TMPRSS9: variants seen among roughly 807,000 people sequenced by gnomAD.
TMPRSS9 encodes transmembrane protease serine 9.
TMPRSS9 carries 113 observed loss-of-function variants against 111.4 expected under a neutral mutation model. That is an observed-to-expected ratio of 1.01 (90% CI 0.87 to 1.19). TMPRSS9 has a LOEUF of 1.19. Ranked by LOEUF, TMPRSS9 falls within the 50% of genes most tolerant of loss-of-function variation. The probability of loss-of-function intolerance (pLI) is 0.00; values close to 1 mark genes in which losing one functional copy is unlikely to be tolerated. For synonymous variants in TMPRSS9, 805 were observed against 659.1 expected (o/e 1.22, Z -3.39); for missense variants, 1,803 against 1,513.1 (o/e 1.19, Z -3.18).
chr19:2,382,042 A>G (rs937052214), intron 1 of TMPRSS9, among the ~76,000 whole-genome samples: 2 of 151,452 alleles, frequency 1.3e-5, no homozygotes, highest in East Asian at 2.0e-4. Flanking sequence ...GGGTTTCACT[A>G]TGTTGTCAGG....
intron 1 of TMPRSS9, among the ~76,000 whole-genome samples, chr19:2,363,787 T>TGTGC: frequency 7.5e-6 from 1 of 132,678 alleles, no homozygotes; most frequent in African/African-American, 3.0e-5. Context: ...ACTCTGTGTG[T>TGTGC]GAGTGTGTGT....
rs1971132197 is a variant in TMPRSS9, at chr19:2,413,151, C to T, written c.1255-549C>T. ...AGGAGGTTGCAGTGAGCCGAGATCA[C>T]GCCATTGCACTCCAGCCTGGGCAAC... On this transcript the variant is annotated intron_variant, in intron 9 of 17. Transcript: ENST00000648592. Among the ~76,000 whole-genome samples the T allele has an allele frequency of 2.6e-5, 4 of 152,042 alleles. No individual in the cohort carries two copies. The South Asian group carries it at 8.3e-4, about 31-fold the overall frequency.
At chr19:2,423,993 GC>G in intron 14 of TMPRSS9, 95 bp from the exon 16 acceptor site, 1 of 1,203,058 alleles carries the variant, frequency 8.3e-7, no homozygotes, top group South Asian at 3.7e-5. Flanking sequence ...ACTCCCTGGG[GC>G]TCCCAGGGGG....
intron 1 of TMPRSS9, among the ~76,000 whole-genome samples, chr19:2,391,723 C>T (rs1970601694): frequency 6.8e-6 from 1 of 147,560 alleles, no homozygotes; most frequent in South Asian, 2.1e-4. Context: ...CAGGACCCCC[C>T]TGAAAGGAAA....
intron 1 of TMPRSS9, among the ~76,000 whole-genome samples, chr19:2,390,271 C>G (rs1021068223): frequency 7.7e-5 from 7 of 90,400 alleles, no homozygotes; most frequent in Non-Finnish European, 1.4e-4. Context: ...GACGGAGTCT[C>G]TCTCTGTCGC....
intron 6 of TMPRSS9, among the ~76,000 whole-genome samples, chr19:2,404,987 G>A (rs1378594278): frequency 6.6e-6 from 1 of 150,996 alleles, no homozygotes; most frequent in Non-Finnish European, 1.5e-5. Flanking sequence ...TGCCTGTGAT[G>A]ATAATTATTA....
exon 15 of TMPRSS9, chr19:2,424,239 C>T (rs1408540251): frequency 5.0e-6 from 7 of 1,400,912 alleles, no homozygotes; most frequent in Admixed American, 2.7e-5. Flanking sequence ...CTGCTGTCGG[C>T]GGCGCACTGC....
At chr19:2,368,622 GA>G (rs1310452339) in intron 1 of TMPRSS9, among the ~76,000 whole-genome samples, 36 of 152,056 alleles carry the variant, frequency 2.4e-4, no homozygotes, top group Non-Finnish European at 3.7e-4. Flanking sequence ...GGGGAAGATG[GA>G]AGTGGCATTT....
chr19:2,381,708 C>A (rs540298227), intron 1 of TMPRSS9, among the ~76,000 whole-genome samples: 2 of 152,226 alleles, frequency 1.3e-5, no homozygotes, highest in South Asian at 4.2e-4. Flanking sequence ...GTGGCTGTTC[C>A]CAGAGGAACA....
At chr19:2,389,051 C>T (rs111892057), upstream of TMPRSS9, among the ~76,000 whole-genome samples, 232 of 151,742 alleles carry the variant, frequency 1.5e-3, no homozygotes, top group African/African-American at 5.1e-3. Context: ...CTCACACAGC[C>T]GCCCAGCCAG....
At chr19:2,381,316 G>A (rs917981669) in intron 1 of TMPRSS9, among the ~76,000 whole-genome samples, 4 of 151,896 alleles carry the variant, frequency 2.6e-5, no homozygotes, top group Non-Finnish European at 4.4e-5. Flanking sequence ...CGCGGGGCAG[G>A]GTCAGCAGAG....
chr19:2,393,345 G>A (rs771948986), intron 1 of TMPRSS9, among the ~76,000 whole-genome samples: 38 of 152,036 alleles, frequency 2.5e-4, no homozygotes, highest in Admixed American at 1.3e-4. Context: ...CTCCAGACAC[G>A]CTGCCTTAAG....
At chr19:2,417,538 C>T (rs1971275089) in intron 12 of TMPRSS9, among the ~76,000 whole-genome samples, 1 of 151,852 alleles carries the variant, frequency 6.6e-6, no homozygotes, top group Admixed American at 6.6e-5. Context: ...GTCCCAGCTA[C>T]TTAGGAGGCT....
At chr19:2,424,523 C>T (rs1599321389) in intron 15 of TMPRSS9, among the ~76,000 whole-genome samples, 2 of 144,092 alleles carry the variant, frequency 1.4e-5, no homozygotes, top group East Asian at 2.0e-4. Context: ...CCACCTAACC[C>T]GGAAGCTGCG....
At chr19:2,408,625 A>G in exon 8 of TMPRSS9, 1 of 1,609,792 alleles carries the variant, frequency 6.2e-7, no homozygotes, top group Non-Finnish European at 8.5e-7. Context: ...CTCAAGGAGG[A>G]CTTCCGTAAG....
intron 10 of TMPRSS9, 73 bp from the exon 12 acceptor site, chr19:2,415,597 G>C (rs886700223): frequency 2.2e-6 from 3 of 1,373,954 alleles, no homozygotes; most frequent in Non-Finnish European, 2.9e-6. Flanking sequence ...CCGGTGTCCT[G>C]GGACCACCCC....
intron 8 of TMPRSS9, among the ~76,000 whole-genome samples, chr19:2,408,928 G>A (rs909847262): frequency 1.3e-5 from 2 of 150,410 alleles, no homozygotes; most frequent in Non-Finnish European, 3.0e-5. Context: ...GATGGAGGTT[G>A]CACTGAGCCA....
chr19:2,378,800 C>T (rs953873118), intron 1 of TMPRSS9, among the ~76,000 whole-genome samples: 2 of 152,108 alleles, frequency 1.3e-5, no homozygotes, highest in African/African-American at 4.8e-5. Context: ...GCTGGGGAGG[C>T]CTCAGGAAAC....
chr19:2,368,026 T>C (rs1970261197), intron 1 of TMPRSS9, among the ~76,000 whole-genome samples: 1 of 152,214 alleles, frequency 6.6e-6, no homozygotes, highest in African/African-American at 2.4e-5. Flanking sequence ...CACTTACTTT[T>C]ATTAAAGGTA....
Sources: allele counts gnomAD v4.1 joint callset (sites outside exome capture counted in the v4.1 genomes callset), GRCh38; gene constraint gnomAD v4.1.1; transcripts MANE v1.5; gene names NCBI Gene and HGNC (gene_info 2026-07-23, HGNC 2026-07-21).